FHIT: variants seen among roughly 807,000 people sequenced by gnomAD.
FHIT encodes bis(5'-adenosyl)-triphosphatase.
In FHIT, 19 loss-of-function variants were observed where a neutral mutation model predicts 17.9. The ratio of observed to expected loss-of-function variants is 1.06; its 90% CI spans 0.74 to 1.56. FHIT has a LOEUF of 1.56. Among genes scored for constraint, FHIT ranks in the 40% most tolerant of loss-of-function variants. FHIT has a pLI of 0.00. For missense variants in FHIT, 248 were observed against 189.2 expected (o/e 1.31, Z -1.82); for synonymous variants, 81 against 69.7 (o/e 1.16, Z -0.81).
At chr3:60,684,640 G>C (rs1466459467) in intron 4 of FHIT, among the ~76,000 whole-genome samples, 1 of 151,972 alleles carries the variant, frequency 6.6e-6, no homozygotes, top group African/African-American at 2.4e-5. Flanking sequence ...GTATTCAAGA[G>C]CTGTGCCACC....
At chr3:59,892,178 A>G (rs1221812806) in intron 8 of FHIT, among the ~76,000 whole-genome samples, 3 of 152,232 alleles carry the variant, frequency 2.0e-5, no homozygotes, top group Non-Finnish European at 4.4e-5. Context: ...AGATTTTTAC[A>G]TCATCGGGAG....
chr3:60,282,102 G>A (rs970684619), intron 5 of FHIT, among the ~76,000 whole-genome samples: 1 of 152,166 alleles, frequency 6.6e-6, no homozygotes, highest in African/African-American at 2.4e-5. Flanking sequence ...CAGTTTTACA[G>A]TTTCTTATAA....
At chr3:60,732,041 C>T in intron 4 of FHIT, 1 of 467,610 alleles carries the variant, frequency 2.1e-6, no homozygotes, top group Non-Finnish European at 3.9e-6. Flanking sequence ...ATTGCAGCGA[C>T]AATACAAAGA....
At chr3:59,821,786 T>C (rs1003531079) in intron 8 of FHIT, among the ~76,000 whole-genome samples, 2 of 152,054 alleles carry the variant, frequency 1.3e-5, no homozygotes, top group African/African-American at 4.8e-5. Flanking sequence ...CTGCATTTAG[T>C]GATATATTTA....
rs78937474 is a variant in FHIT at position 59,863,101 on chromosome 3, G to A, written c.348+59245C>T. ...AGGAATAGTCCTATCCAAGGAATAC[G>A]GGCAGTACACTGCAACAGGGCCCTT... On this transcript the variant is annotated intron_variant, in intron 8 of 9. Coordinates refer to ENST00000492590, the MANE Select transcript of FHIT (RefSeq NM_002012.4). Among the ~76,000 whole-genome samples the A allele has an allele frequency of 2.5e-3, 378 of 152,282 alleles. 15 individuals carry two copies. In the East Asian group the frequency reaches 0.064, roughly 26 times the overall value.
chr3:59,978,431 C>A (rs1708507542), intron 7 of FHIT, among the ~76,000 whole-genome samples: 1 of 151,926 alleles, frequency 6.6e-6, no homozygotes, highest in African/African-American at 2.4e-5. Context: ...CAAAATCACT[C>A]ATGTATAATT....
intron 5 of FHIT, among the ~76,000 whole-genome samples, chr3:60,439,428 C>T (rs944993236): frequency 6.6e-6 from 1 of 152,118 alleles, no homozygotes; most frequent in Non-Finnish European, 1.5e-5. Context: ...TGTGCAAAGC[C>T]TTGGGTAGCT....
At position 59,830,413 on chromosome 3, in the gene FHIT, A is replaced by G. The variant is rs143591924; in HGVS notation, c.349-78092T>C. 7.9e-5 allele frequency among the ~76,000 whole-genome samples: 12 copies of G among 152,340 alleles called. No individual in the cohort carries two copies. In the East Asian group the frequency reaches 1.7e-3, roughly 22 times the overall value. ...AACATTTTCAGGCACTCAGAGATTC[A>G]GAGATATCCTTAATGCTAAGTAGAT... On this transcript the variant is annotated intron_variant, in intron 8 of 9. Transcript: ENST00000492590.
chr3:61,150,795 C>T (rs1490303289), intron 2 of FHIT, among the ~76,000 whole-genome samples: 4 of 151,380 alleles, frequency 2.6e-5, no homozygotes, highest in African/African-American at 9.7e-5. Flanking sequence ...GCTTTTGGTA[C>T]CCAGTCTACC....
chr3:60,650,271 GT>G (rs1448079583), intron 4 of FHIT, among the ~76,000 whole-genome samples: 2 of 152,124 alleles, frequency 1.3e-5, no homozygotes, highest in African/African-American at 2.4e-5. Flanking sequence ...TCATTTCTTT[GT>G]CTTAGTTTCT....
chr3:60,512,687 A>T, intron 5 of FHIT, among the ~76,000 whole-genome samples: 1 of 152,242 alleles, frequency 6.6e-6, no homozygotes, highest in South Asian at 2.1e-4. Flanking sequence ...ACTGATGCAG[A>T]GGCAAGGGGA....
At chr3:60,277,682 T>C (rs34244389) in intron 5 of FHIT, among the ~76,000 whole-genome samples, 35,438 of 151,944 alleles carry the variant, frequency 0.23, 5,109 homozygotes, top group Non-Finnish European at 0.32. Flanking sequence ...GCCTATAAAC[T>C]CCAATGCACT....
intron 5 of FHIT, among the ~76,000 whole-genome samples, chr3:60,367,902 A>G (rs1237451757): frequency 4.6e-5 from 7 of 152,196 alleles, no homozygotes; most frequent in Non-Finnish European, 1.0e-4. Context: ...ATCAATATAA[A>G]GTATGTACAC....
At chr3:60,703,367 T>C (rs2041293828) in intron 4 of FHIT, among the ~76,000 whole-genome samples, 1 of 152,192 alleles carries the variant, frequency 6.6e-6, no homozygotes, top group South Asian at 2.1e-4. Flanking sequence ...AAGCCACTCA[T>C]TACCAAATTA....
intron 3 of FHIT, among the ~76,000 whole-genome samples, chr3:60,986,253 T>C (rs1710716358): frequency 1.3e-5 from 2 of 152,298 alleles, no homozygotes; most frequent in South Asian, 4.1e-4. Context: ...GTCCACACTT[T>C]GAAAACCAAT....
At chr3:59,963,291 TAA>T (rs1156701331) in intron 7 of FHIT, among the ~76,000 whole-genome samples, 7 of 151,612 alleles carry the variant, frequency 4.6e-5, no homozygotes, top group Non-Finnish European at 8.8e-5. Flanking sequence ...ATAATAATAA[TAA>T]AAGAAAAGAA....
chr3:60,433,727 A>G (rs950868702), intron 5 of FHIT, among the ~76,000 whole-genome samples: 1 of 152,024 alleles, frequency 6.6e-6, no homozygotes, highest in Admixed American at 6.6e-5. Context: ...CTTTGGAGAA[A>G]TTTCTATTTA....
At position 59,918,997 on chromosome 3, in the gene FHIT, A is replaced by G. The variant is rs541756760; in HGVS notation, c.348+3349T>C. Among the ~76,000 whole-genome samples, 95 of 152,328 alleles carry G rather than the reference A, an allele frequency of 6.2e-4. 2 individuals carry two copies. The highest frequency in any genetic ancestry group is 1.2e-3 in the Non-Finnish European group (83 of 68,024). On this transcript the variant is annotated intron_variant, in intron 8 of 9. Transcript: ENST00000492590. ...CAGTGTGGTTTCCTCTAAGTTAAAA[A>G]GAAAAGGTTTTACCTTTTATTTCCA...
intron 8 of FHIT, among the ~76,000 whole-genome samples, chr3:59,832,256 G>T (rs1701190265): frequency 6.6e-6 from 1 of 152,104 alleles, no homozygotes. Context: ...AAATCGAGGG[G>T]CAAAAGTTAC....
Sources: allele counts gnomAD v4.1 joint callset (sites outside exome capture counted in the v4.1 genomes callset), GRCh38; gene constraint gnomAD v4.1.1; transcripts MANE v1.5; gene names NCBI Gene and HGNC (gene_info 2026-07-23, HGNC 2026-07-21).